GNG7: variants seen among roughly 807,000 people sequenced by gnomAD.
GNG7 encodes the protein guanine nucleotide-binding protein G(I)/G(S)/G(O) subunit gamma-7.
A neutral mutation model predicts 4.0 loss-of-function variants in GNG7; 1 was observed. The observed-to-expected ratio is 0.25, with a 90% confidence interval of 0.09 to 1.18. The LOEUF is 1.18. GNG7 is among the 50% of genes most tolerant of loss of function. GNG7 has a pLI of 0.50. For synonymous variants in GNG7, 34 were observed against 36.9 expected (o/e 0.92, Z 0.29); for missense variants, 86 against 91.9 (o/e 0.94, Z 0.26).
At chr19:2,562,260 G>T (rs1190584861) in intron 2 of GNG7, among the ~76,000 whole-genome samples, 2 of 148,594 alleles carry the variant, frequency 1.3e-5, no homozygotes, top group Non-Finnish European at 3.0e-5. Context: ...ATCTACAGCG[G>T]GTTCCTTTTT....
intron 3 of GNG7, among the ~76,000 whole-genome samples, chr19:2,534,292 C>A (rs1476955212): frequency 6.6e-6 from 1 of 152,178 alleles, no homozygotes; most frequent in Admixed American, 6.6e-5. Flanking sequence ...CCGTGTACTC[C>A]ACCAGTGGCC....
intron 2 of GNG7, among the ~76,000 whole-genome samples, chr19:2,564,177 T>G (rs565118872): frequency 1.3e-5 from 2 of 152,178 alleles, no homozygotes. Context: ...GCACGTAACC[T>G]TCTCAGAGAT....
intron 1 of GNG7, among the ~76,000 whole-genome samples, chr19:2,659,260 C>T (rs964056239): frequency 1.3e-5 from 2 of 150,710 alleles, no homozygotes; most frequent in African/African-American, 2.4e-5. Flanking sequence ...TGAGCCACTG[C>T]GCCTGGCCTT....
At chr19:2,661,503 A>T in intron 1 of GNG7, among the ~76,000 whole-genome samples, 1 of 151,716 alleles carries the variant, frequency 6.6e-6, no homozygotes. Flanking sequence ...TACTAAAAAA[A>T]AATATAAAAA....
chr19:2,685,337 G>A (rs761220003), intron 1 of GNG7, among the ~76,000 whole-genome samples: 1 of 151,726 alleles, frequency 6.6e-6, no homozygotes, highest in Non-Finnish European at 1.5e-5. Context: ...GAAAAATGAA[G>A]AGAAGGCTGG....
At chr19:2,701,403 A>C (rs1599468632) in intron 1 of GNG7, 7 of 129,930 alleles carry the variant, frequency 5.4e-5, no homozygotes, top group South Asian at 5.0e-4. Flanking sequence ...TCACTAACTC[A>C]CCCCAACTTC....
rs1599422134 is a variant in GNG7 at position 2,613,005 on chromosome 19, T to C, written c.-78+33219A>G. ...CGGTGCCTGGCCAACGTCGGACATT[T>C]TTAGAGCGGAGGAGGTAGCCTAGGA... On this transcript the variant is annotated intron_variant, in intron 2 of 4. Coordinates refer to ENST00000382159, the MANE Select transcript of GNG7 (RefSeq NM_052847.3). Among the ~76,000 whole-genome samples, 4 of 152,202 alleles carry C rather than the reference T, an allele frequency of 2.6e-5. No individual in the cohort carries two copies. The South Asian group carries it at 8.3e-4, about 32-fold the overall frequency.
intron 3 of GNG7, among the ~76,000 whole-genome samples, chr19:2,544,657 C>T (rs141924771): frequency 0.012 from 1,771 of 152,300 alleles, 44 homozygotes; most frequent in African/African-American, 0.041. Flanking sequence ...TCTCAAAGTG[C>T]TGGGATTTTA....
rs1389374249 is a variant in GNG7 at position 2,514,998 on chromosome 19, G to A, written c.*24C>T. The stretch of plus-strand genomic sequence containing the variant: ...AGAGAGAGAGAGAAAGAGAGAGAGA[G>A]AGAGAGAACATATGAGAACACAGTT... On this transcript the variant is annotated 3_prime_UTR_variant, in exon 5 of 5. Coordinates refer to ENST00000382159, the MANE Select transcript of GNG7 (RefSeq NM_052847.3). 6.3e-7 allele frequency: 1 copy of A among 1,590,358 alleles called. No homozygotes were observed. Among genetic ancestry groups the A allele is most frequent in the Admixed American group, 1.7e-5 (1 of 59,958 alleles).
chr19:2,585,489 A>ATTTGAGTT (rs1409368379), intron 2 of GNG7, among the ~76,000 whole-genome samples: 1 of 152,046 alleles, frequency 6.6e-6, no homozygotes, highest in Non-Finnish European at 1.5e-5. Context: ...ATATTTGAGT[A>ATTTGAGTT]TAAAGAGTAT....
intron 1 of GNG7, among the ~76,000 whole-genome samples, chr19:2,691,736 A>G (rs1383863057): frequency 1.3e-5 from 2 of 151,138 alleles, no homozygotes; most frequent in Non-Finnish European, 2.9e-5. Context: ...GCGTGGTGGC[A>G]CACGCCTGTA....
intron 3 of GNG7, among the ~76,000 whole-genome samples, chr19:2,536,952 A>ATTTTTT (rs11288292): frequency 9.2e-6 from 1 of 108,812 alleles, no homozygotes; most frequent in Non-Finnish European, 2.0e-5. Context: ...TTTTATTTTT[A>ATTTTTT]TTTTTTTTTT....
chr19:2,583,725 A>G (rs1216876061), intron 2 of GNG7, among the ~76,000 whole-genome samples: 1 of 152,226 alleles, frequency 6.6e-6, no homozygotes. Flanking sequence ...TGAGCCCAAG[A>G]GTCCCAGGCT....
At chr19:2,648,562 C>T (rs79514772) in intron 1 of GNG7, among the ~76,000 whole-genome samples, 14,532 of 152,222 alleles carry the variant, frequency 0.095, 850 homozygotes, top group Admixed American at 0.17. Context: ...TGCTAGTTTC[C>T]GTTCTACGAG....
rs200110764 is a variant in GNG7, at chr19:2,590,822, CAACT to C, written c.-77-35638_-77-35635del. 7.9e-3 allele frequency among the ~76,000 whole-genome samples: 1,189 copies of C among 150,982 alleles called. 23 individuals carry two copies. Among genetic ancestry groups the C allele is most frequent in the African/African-American group, 0.028 (1,132 of 41,132 alleles). ...CCATCCACCCATCCGCCCACCCAAC[CAACT>C]ATCCATCCATCCACTCATCCATCCA... On this transcript the variant is annotated intron_variant, in intron 2 of 4. Coordinates refer to ENST00000382159, the MANE Select transcript of GNG7 (RefSeq NM_052847.3).
In GNG7 at chr19:2,633,063, C is replaced by T. The variant is rs1334577433; in HGVS notation, c.-78+13161G>A. On this transcript the variant is annotated intron_variant, in intron 2 of 4. Transcript: ENST00000382159. The surrounding 1 kb of genome is among the most constrained non-coding windows in gnomAD (Gnocchi z 5.9). ...GGCTGCACCTTAACCATCTATGACA[C>T]GCATCCCCAGGCGGCACCGGGAGTG... is the stretch of plus-strand genomic sequence containing the variant. Among the ~76,000 whole-genome samples the T allele has an allele frequency of 2.6e-5, 4 of 152,236 alleles. No individual in the cohort carries two copies. Among genetic ancestry groups the T allele is most frequent in the Non-Finnish European group, 5.9e-5 (4 of 68,048 alleles).
Position 2,511,797 on chromosome 19 carries a change from G to C in GNG7, c.*3225C>G. The C allele has an allele frequency of 1.0e-6, 1 of 986,250 alleles. No individual in the cohort carries two copies. Among genetic ancestry groups the C allele is most frequent in the African/African-American group, 1.7e-5 (1 of 57,390 alleles). 61.1% of individuals were successfully genotyped at this position (986,250 alleles called of 1,614,324 possible). A position where few individuals can be genotyped will look rare whatever the true frequency, so the allele number is the denominator to read the frequency against. On this transcript the variant is annotated 3_prime_UTR_variant, in exon 5 of 5. Transcript: ENST00000382159. This position sits in a 1 kb window ranked among gnomAD's most constrained non-coding sequence, Gnocchi z 6.3. ...CCCAGCCGCCCCGTTTATGTCCCCA[G>C]AGGCCAGAGGTCGCAGCTGAGCTAT...
At position 2,618,287 on chromosome 19, in the gene GNG7, A is replaced by G. The variant is rs1485647294; in HGVS notation, c.-78+27937T>C. Among the ~76,000 whole-genome samples the G allele has an allele frequency of 1.3e-5, 2 of 151,770 alleles. No individual in the cohort carries two copies. Among genetic ancestry groups the G allele is most frequent in the Non-Finnish European group, 2.9e-5 (2 of 67,954 alleles). On this transcript the variant is annotated intron_variant, in intron 2 of 4. Coordinates refer to ENST00000382159, the MANE Select transcript of GNG7 (RefSeq NM_052847.3). This position sits in a 1 kb window ranked among gnomAD's most constrained non-coding sequence, Gnocchi z 5.1. ...TGAGGACACAGATTACTCCTCACCC[A>G]TGCCCCTTGCAAAGCTCTCAGCCAC...
intron 1 of GNG7, among the ~76,000 whole-genome samples, chr19:2,662,448 C>A (rs994612104): frequency 6.6e-6 from 1 of 152,090 alleles, no homozygotes; most frequent in Non-Finnish European, 1.5e-5. Context: ...TGCCCCTAAC[C>A]TCTTCAGATA....
Sources: allele counts gnomAD v4.1 joint callset (sites outside exome capture counted in the v4.1 genomes callset), GRCh38; gene constraint gnomAD v4.1.1; non-coding constraint Gnocchi (gnomAD v3.1); transcripts MANE v1.5; gene names NCBI Gene and HGNC (gene_info 2026-07-23, HGNC 2026-07-21).